The following DTNBP1 variants were observed in gnomAD, a reference collection of about 807,000 sequenced individuals.
The protein encoded by DTNBP1 is dysbindin.
A neutral mutation model predicts 42.8 loss-of-function variants in DTNBP1; 35 were observed. The observed-to-expected ratio is 0.82, with a 90% CI of 0.63 to 1.09. The LOEUF is 1.09. DTNBP1 is among the 50% of genes least tolerant of loss of function. The probability of loss-of-function intolerance (pLI) is 0.00; values close to 1 mark genes in which losing one functional copy is unlikely to be tolerated. For synonymous variants in DTNBP1, 171 were observed against 162.2 expected (o/e 1.05, Z -0.41); for missense variants, 457 against 424.2 (o/e 1.08, Z -0.68).
intron 6 of DTNBP1, among the ~76,000 whole-genome samples, chr6:15,607,098 G>A (rs1216300380): frequency 2.1e-5 from 3 of 144,720 alleles, no homozygotes; most frequent in Non-Finnish European, 4.5e-5. Flanking sequence ...GCAACCTCCC[G>A]GTCCTGGGTT....
At chr6:15,559,976 C>T (rs182763928) in intron 7 of DTNBP1, among the ~76,000 whole-genome samples, 2 of 152,298 alleles carry the variant, frequency 1.3e-5, no homozygotes, top group East Asian at 3.9e-4. Flanking sequence ...TTCTCATTGT[C>T]CAAACTGTGT....
At position 15,660,538 on chromosome 6, in the gene DTNBP1, C is replaced by T. The variant is rs915985473; in HGVS notation, c.56+2276G>A. ...GAAAGTGACCTGTACAGGAGAAAGC[C>T]AACAAAAGACCTAATGAAGCCCTCT... On this transcript the variant is annotated intron_variant, in intron 1 of 9. Transcript: ENST00000344537. The T allele has an allele frequency of 3.9e-6, 5 of 1,289,438 alleles. No individual in the cohort carries two copies. The African/African-American group carries it at 7.6e-5, about 20-fold the overall frequency. 79.9% of individuals were successfully genotyped at this position (1,289,438 alleles called of 1,614,324 possible).
chr6:15,662,621 G>T (rs923875429), intron 1 of DTNBP1, among the ~76,000 whole-genome samples, 193 bp downstream of exon 1: 2 of 151,986 alleles, frequency 1.3e-5, no homozygotes, highest in African/African-American at 4.8e-5. Flanking sequence ...CGGCCCGCAG[G>T]GACCTAAGTT....
At chr6:15,524,374 G>A (rs370121622) in intron 9 of DTNBP1, 152 bp downstream of exon 9, 111 of 1,613,698 alleles carry the variant, frequency 6.9e-5, no homozygotes, top group East Asian at 5.8e-4. Flanking sequence ...CCACACAGCC[G>A]TGTGGAACCG....
intron 7 of DTNBP1, among the ~76,000 whole-genome samples, chr6:15,564,418 A>AT (rs1774978828): frequency 6.6e-6 from 1 of 150,924 alleles, no homozygotes; most frequent in South Asian, 2.1e-4. Flanking sequence ...TTTTTTTTTG[A>AT]TTTTTTTGAG....
At chr6:15,529,526 C>T (rs1772661245) in intron 8 of DTNBP1, among the ~76,000 whole-genome samples, 1 of 152,226 alleles carries the variant, frequency 6.6e-6, no homozygotes, top group South Asian at 2.1e-4. Context: ...CCCCAAACCT[C>T]GTTCTCTTCC....
chr6:15,526,093 G>A (rs1772365773), intron 8 of DTNBP1, among the ~76,000 whole-genome samples: 1 of 152,228 alleles, frequency 6.6e-6, no homozygotes, highest in Non-Finnish European at 1.5e-5. Flanking sequence ...TGCGGAGTAA[G>A]TTCAAAGAGG....
At chr6:15,589,597 T>C (rs1470061848) in intron 7 of DTNBP1, among the ~76,000 whole-genome samples, 4 of 152,250 alleles carry the variant, frequency 2.6e-5, no homozygotes, top group African/African-American at 9.6e-5. Context: ...TTATTTCTGC[T>C]TCTGAGCCTA....
chr6:15,581,768 C>T (rs1401063106), intron 7 of DTNBP1, among the ~76,000 whole-genome samples: 3 of 152,162 alleles, frequency 2.0e-5, no homozygotes, highest in South Asian at 2.1e-4. Context: ...CATGAGCCAT[C>T]GCGCCCAGGC....
Position 15,523,062 on chromosome 6 carries a change from CTCA to C in DTNBP1, c.966_968del (p.Asp322del). On this transcript the variant is annotated inframe_deletion, in exon 10 of 10. Transcript: ENST00000344537. ...GGGCAGTGTCCACCTGAACTTCCTC[CTCA>C]TCGGACTGAACAACGGGGGACTCCC... is the stretch of plus-strand genomic sequence containing the variant. The C allele has an allele frequency of 6.2e-7, 1 of 1,614,204 alleles. No homozygotes were observed. The highest frequency in any genetic ancestry group is 8.5e-7 in the Non-Finnish European group (1 of 1,180,034).
At chr6:15,612,407 C>T (rs1758458565) in intron 6 of DTNBP1, among the ~76,000 whole-genome samples, 1 of 152,030 alleles carries the variant, frequency 6.6e-6, no homozygotes, top group African/African-American at 2.4e-5. Context: ...TGGACTGGAA[C>T]AGAATCCACA....
intron 7 of DTNBP1, among the ~76,000 whole-genome samples, chr6:15,546,473 C>A (rs1030774183): frequency 1.3e-5 from 2 of 152,042 alleles, no homozygotes; most frequent in Non-Finnish European, 2.9e-5. Context: ...ATATGAATAT[C>A]AGATTAGCAT....
intron 6 of DTNBP1, among the ~76,000 whole-genome samples, chr6:15,600,592 A>G (rs1776690427): frequency 6.6e-6 from 1 of 152,200 alleles, no homozygotes; most frequent in Non-Finnish European, 1.5e-5. Flanking sequence ...AGCAAGACTA[A>G]TTAAGAGGCT....
intron 7 of DTNBP1, among the ~76,000 whole-genome samples, chr6:15,579,354 G>A (rs1003985987): frequency 2.6e-5 from 4 of 152,204 alleles, no homozygotes; most frequent in East Asian, 3.8e-4. Flanking sequence ...CTGCATAGAA[G>A]TAGAGACTAG....
At chr6:15,596,603 ATGCTGGAGTGC>A (rs1247729493) in intron 6 of DTNBP1, among the ~76,000 whole-genome samples, 2 of 152,152 alleles carry the variant, frequency 1.3e-5, no homozygotes, top group Non-Finnish European at 2.9e-5. Context: ...AGACCACCAG[ATGCTGGAGTGC>A]TGCAGGCTTG....
At chr6:15,633,403 A>C (rs1462150820) in intron 4 of DTNBP1, among the ~76,000 whole-genome samples, 1 of 152,214 alleles carries the variant, frequency 6.6e-6, no homozygotes. Flanking sequence ...CATGGGAGGA[A>C]ATCAAAATAC....
chr6:15,643,536 G>C (rs1004658826), intron 3 of DTNBP1, among the ~76,000 whole-genome samples: 2 of 151,952 alleles, frequency 1.3e-5, no homozygotes, highest in African/African-American at 4.8e-5. Context: ...AAGGCAGCTA[G>C]AGAAAAGGGC....
intron 8 of DTNBP1, among the ~76,000 whole-genome samples, chr6:15,527,698 G>A (rs1262799473): frequency 6.6e-6 from 1 of 152,080 alleles, no homozygotes; most frequent in African/African-American, 2.4e-5. Context: ...GGGGAAAAAA[G>A]CTTAAAAATG....
intron 6 of DTNBP1, among the ~76,000 whole-genome samples, chr6:15,597,900 G>A (rs768088212): frequency 2.0e-5 from 3 of 152,146 alleles, no homozygotes; most frequent in Non-Finnish European, 2.9e-5. Flanking sequence ...GAAACAACTT[G>A]TTTGTTGCTT....
Sources: allele counts gnomAD v4.1 joint callset (sites outside exome capture counted in the v4.1 genomes callset), GRCh38; gene constraint gnomAD v4.1.1; transcripts MANE v1.5; gene names NCBI Gene and HGNC (gene_info 2026-07-23, HGNC 2026-07-21).